Variants in CCSER1 observed in about 807,000 individuals in gnomAD.
The protein encoded by CCSER1 is coiled-coil serine rich protein 1, also known as serine-rich coiled-coil domain-containing protein 1.
CCSER1 carries 41 observed loss-of-function variants against 82.0 expected under a neutral mutation model. The ratio of observed to expected loss-of-function variants is 0.50; its 90% CI spans 0.39 to 0.65. CCSER1 has a LOEUF of 0.65. CCSER1 is among the 30% of genes least tolerant of loss of function. The probability of loss-of-function intolerance (pLI) is 0.00; values close to 1 mark genes in which losing one functional copy is unlikely to be tolerated. For missense variants in CCSER1, 1,119 were observed against 1,064.2 expected (o/e 1.05, Z -0.72); for synonymous variants, 414 against 383.9 (o/e 1.08, Z -0.92).
chr4:90,774,923 A>C (rs556847290), intron 7 of CCSER1, among the ~76,000 whole-genome samples: 30 of 152,296 alleles, frequency 2.0e-4, no homozygotes, highest in African/African-American at 7.0e-4. Context: ...CCTCAGCCTT[A>C]AAAATGGACA....
At chr4:90,541,865 A>G (rs906991276) in intron 5 of CCSER1, among the ~76,000 whole-genome samples, 1 of 152,050 alleles carries the variant, frequency 6.6e-6, no homozygotes, top group African/African-American at 2.4e-5. Flanking sequence ...TTTTCCTGAA[A>G]ATGGTTTAAA....
At chr4:90,623,224 CAG>C (rs1436577266) in intron 5 of CCSER1, among the ~76,000 whole-genome samples, 1 of 151,748 alleles carries the variant, frequency 6.6e-6, no homozygotes, top group African/African-American at 2.4e-5. Context: ...TTAGTAGAGA[CAG>C]GGTTTCAGCG....
intron 10 of CCSER1, among the ~76,000 whole-genome samples, chr4:91,517,902 G>C (rs181736667): frequency 1.2e-3 from 169 of 135,820 alleles, no homozygotes; most frequent in African/African-American, 4.0e-3. Context: ...TGGTTTCACA[G>C]GGGGGGTATG....
chr4:90,851,940 C>T (rs1391837801), intron 8 of CCSER1, among the ~76,000 whole-genome samples: 1 of 152,090 alleles, frequency 6.6e-6, no homozygotes, highest in Non-Finnish European at 1.5e-5. Flanking sequence ...TAATTTTGAC[C>T]TTTAATATAT....
intron 3 of CCSER1, among the ~76,000 whole-genome samples, chr4:90,356,875 G>A (rs902885623): frequency 3.3e-5 from 5 of 151,812 alleles, no homozygotes; most frequent in Non-Finnish European, 5.9e-5. Context: ...AAGATTCTCT[G>A]TATTACAGAT....
At chr4:91,330,833 G>T (rs541855117) in intron 10 of CCSER1, among the ~76,000 whole-genome samples, 1 of 152,118 alleles carries the variant, frequency 6.6e-6, no homozygotes, top group Non-Finnish European at 1.5e-5. Context: ...TCTGTGGTCA[G>T]TTGCAGTCTG....
At position 91,082,391 on chromosome 4, in the gene CCSER1, C is replaced by T. The variant is rs982436322; in HGVS notation, c.2173-3559C>T. On this transcript the variant is annotated intron_variant, in intron 9 of 10. Coordinates refer to ENST00000509176, the MANE Select transcript of CCSER1 (RefSeq NM_001145065.2). ...GCTGAAACTGGATCCCTTCCTTACACCTTATACAAAAATTAATTCAAGATG... is the reference window on the plus strand; with the variant it reads ...GCTGAAACTGGATCCCTTCCTTACATCTTATACAAAAATTAATTCAAGATG... Among the ~76,000 whole-genome samples the T allele has an allele frequency of 9.2e-5, 14 of 152,292 alleles. No individual in the cohort carries two copies. The South Asian group carries it at 2.1e-3, about 23-fold the overall frequency.
At position 90,841,823 on chromosome 4, in the gene CCSER1, C is replaced by T. The variant is rs541141071; in HGVS notation, c.2094+25978C>T. Among the ~76,000 whole-genome samples the T allele has an allele frequency of 2.6e-5, 4 of 152,162 alleles. No individual in the cohort carries two copies. In the South Asian group the frequency reaches 8.3e-4, roughly 32 times the overall value. ...TGGTACTCTGGAAGTGTGTCTGACTCTCATTCATTATTTCTAACAATAAGC... is the reference window on the plus strand; with the variant it reads ...TGGTACTCTGGAAGTGTGTCTGACTTTCATTCATTATTTCTAACAATAAGC... On this transcript the variant is annotated intron_variant, in intron 8 of 10. Transcript: ENST00000509176.
chr4:90,242,581 A>G (rs1467202350), intron 1 of CCSER1, among the ~76,000 whole-genome samples: 3 of 152,256 alleles, frequency 2.0e-5, no homozygotes, highest in Non-Finnish European at 2.9e-5. Flanking sequence ...TGAACAATGT[A>G]GTAAGCTATC....
chr4:90,532,411 C>G (rs1774644944), intron 5 of CCSER1, among the ~76,000 whole-genome samples: 1 of 151,920 alleles, frequency 6.6e-6, no homozygotes, highest in African/African-American at 2.4e-5. Flanking sequence ...TCTGCTTGTT[C>G]CGATGATTTT....
At chr4:90,536,038 T>TG (rs1240623766) in intron 5 of CCSER1, among the ~76,000 whole-genome samples, 1 of 148,006 alleles carries the variant, frequency 6.8e-6, no homozygotes, top group Non-Finnish European at 1.5e-5. Flanking sequence ...TCTGTTTTTT[T>TG]TTTTTTTTTT....
chr4:90,993,200 A>G (rs1737192026), intron 9 of CCSER1, among the ~76,000 whole-genome samples: 1 of 152,066 alleles, frequency 6.6e-6, no homozygotes, highest in Admixed American at 6.6e-5. Flanking sequence ...AGTCATTTTT[A>G]TGTGGACATC....
chr4:90,393,892 C>T (rs114778381), intron 3 of CCSER1, among the ~76,000 whole-genome samples: 2,696 of 148,272 alleles, frequency 0.018, 38 homozygotes, highest in South Asian at 0.037. Flanking sequence ...AGACTTCTTG[C>T]CTCAGCCCCC....
At chr4:90,158,113 A>G (rs369077992) in intron 1 of CCSER1, among the ~76,000 whole-genome samples, 3 of 151,998 alleles carry the variant, frequency 2.0e-5, no homozygotes, top group Non-Finnish European at 2.9e-5. Context: ...TCAGCTGCAG[A>G]TCTGTTGGAG....
intron 5 of CCSER1, among the ~76,000 whole-genome samples, chr4:90,587,812 G>A (rs1782202409): frequency 6.6e-6 from 1 of 152,130 alleles, no homozygotes; most frequent in South Asian, 2.1e-4. Flanking sequence ...AGTTGATAAT[G>A]TTTATTATTT....
intron 6 of CCSER1, among the ~76,000 whole-genome samples, chr4:90,628,675 C>T (rs1377311388): frequency 6.6e-6 from 1 of 152,080 alleles, no homozygotes; most frequent in Non-Finnish European, 1.5e-5. Context: ...AATTGAATTA[C>T]AGTAAAATTC....
chr4:91,436,055 A>C (rs1469071095), intron 10 of CCSER1, among the ~76,000 whole-genome samples: 3 of 152,202 alleles, frequency 2.0e-5, no homozygotes, highest in African/African-American at 7.2e-5. Context: ...TCATCATTGA[A>C]GGTAGATTAA....
chr4:90,721,099 G>T (rs1370316168), intron 6 of CCSER1, among the ~76,000 whole-genome samples: 3 of 151,810 alleles, frequency 2.0e-5, no homozygotes, highest in Non-Finnish European at 4.4e-5. Context: ...TTCTTGTCTA[G>T]ATTTTATTAT....
chr4:91,365,173 T>C (rs1749525564), intron 10 of CCSER1, among the ~76,000 whole-genome samples: 1 of 152,218 alleles, frequency 6.6e-6, no homozygotes, highest in Non-Finnish European at 1.5e-5. Flanking sequence ...AGTGTATTTT[T>C]CACATATGTA....
Sources: gnomAD v4.1 joint callset for allele counts (sites outside exome capture counted in the v4.1 genomes callset) on GRCh38, gnomAD v4.1.1 for gene constraint, MANE v1.5 for transcripts, NCBI Gene and HGNC (gene_info 2026-07-23, HGNC 2026-07-21) for gene names.